CCDC59: variants seen among roughly 807,000 people sequenced by gnomAD.
CCDC59 encodes the protein coiled-coil domain containing 59.
In CCDC59, 27 loss-of-function variants were observed where a neutral mutation model predicts 30.5. That is an observed-to-expected ratio of 0.89 (90% CI 0.65 to 1.22). The LOEUF (loss-of-function observed/expected upper bound fraction) is 1.22. Ranked by LOEUF, CCDC59 falls within the 50% of genes most tolerant of loss-of-function variation. The pLI is 0.00. For synonymous variants in CCDC59, 125 were observed against 100.9 expected (o/e 1.24, Z -1.43); for missense variants, 362 against 284.4 (o/e 1.27, Z -1.96).
rs1240452870 is a variant in CCDC59 at position 82,353,155 on chromosome 12, C to A, written c.722G>T (p.Cys241Phe). Residue 241 changes from cysteine (C) to phenylalanine (F), a missense_variant, in exon 4 of 4, where the codon TGT becomes TTT. Transcript: ENST00000256151. ...EYLLQKIQEK[C>F] The stretch of plus-strand genomic sequence containing the variant: ...TAACCTGTAGGAACAAAATGTTTAA[C>A]ATTTTTCTTGTATTTTTTGAAGAAG... 1.9e-6 allele frequency: 3 copies of A among 1,599,542 alleles called. No homozygotes were observed. In the East Asian group the frequency reaches 6.7e-5, roughly 36 times the overall value.
chr12:82,357,083 G>A lies in CCDC59; in HGVS notation c.341C>T (p.Pro114Leu), dbSNP rs1322492170. The A allele has an allele frequency of 2.5e-6, 4 of 1,614,038 alleles. No individual in the cohort carries two copies. Among genetic ancestry groups the A allele is most frequent in the African/African-American group, 1.3e-5 (1 of 74,914 alleles). Reference protein sequence around the residue: ...HRKQARKVDHPLSEQVHQPLL... With the variant: ...HRKQARKVDHLLSEQVHQPLL... ...CGGCTGGTGAACTTGTTCTGACAAAGGATGGTCGACTTTTCTTGCTTGCTT... is the reference window on the plus strand; with the variant it reads ...CGGCTGGTGAACTTGTTCTGACAAAAGATGGTCGACTTTTCTTGCTTGCTT... Residue 114 changes from proline to leucine, a missense_variant, in exon 2 of 4, where the codon CCT (proline) becomes CTT (leucine). By Grantham distance (98) the Pro-to-Leu change is moderately conservative. Transcript: ENST00000256151.
Position 82,353,251 on chromosome 12 carries a change from A to C in CCDC59, c.626T>G (p.Met209Arg). The change falls in exon 4 of 4, where the codon ATG becomes AGG. Residue 209 changes from methionine (M) to arginine (R), a missense_variant. Physicochemically the swap from Met to Arg is moderately conservative, Grantham distance 91. Transcript: ENST00000256151. ...TTTGTTCAGTATTTTAAACACTTCC[A>C]TTTTCTTCTTTTTGTACTGCCTTTG... The part of the protein sequence containing the change: ...EAQRQYKKKK[M>R]EVFKILNKKT... 1 of 1,612,418 alleles carries C rather than the reference A, an allele frequency of 6.2e-7. No homozygotes were observed. The highest frequency in any genetic ancestry group is 8.5e-7 in the Non-Finnish European group (1 of 1,179,292).
intron 3 of CCDC59, among the ~76,000 whole-genome samples, chr12:82,354,055 A>G (rs1184721966): frequency 6.6e-6 from 1 of 151,872 alleles, no homozygotes; most frequent in African/African-American, 2.4e-5. Context: ...ACACCTCTTT[A>G]TAGTAAAAAA....
Position 82,358,233 on chromosome 12 carries a change from G to C in CCDC59, c.144C>G (p.Ser48Arg), listed in dbSNP as rs374508941. ...RPNHPQAFVG[S>R]VREGQGFAFR... Reference sequence around the variant, plus strand: ...TGCCTTCTTACATACCCTCGCGAACGCTCCCCACGAAGGCTTGCGGGTGGT... The same window carrying C: ...TGCCTTCTTACATACCCTCGCGAACCCTCCCCACGAAGGCTTGCGGGTGGT... The change falls in exon 1 of 4, where the codon AGC becomes AGG. Residue 48 changes from serine to arginine, a missense_variant. Physicochemically the swap from Ser to Arg is moderately radical, Grantham distance 110. Transcript: ENST00000256151. The C allele has an allele frequency of 6.2e-7, 1 of 1,614,144 alleles. No homozygotes were observed. Among genetic ancestry groups the C allele is most frequent in the East Asian group, 2.2e-5 (1 of 44,876 alleles).
At chr12:82,354,465 T>C in intron 3 of CCDC59, 30 bp downstream of exon 3, 1 of 1,518,042 alleles carries the variant, frequency 6.6e-7, no homozygotes, top group Non-Finnish European at 8.9e-7. Flanking sequence ...TAAGAAAAAC[T>C]ATACTAAATA....
rs778399653 is a variant in CCDC59, at chr12:82,357,164, T to A, written c.260A>T (p.Asp87Val). Reference sequence around the variant, plus strand: ...ATGTTTCAGATTATCTGGGTATCGATCTGTGAATTGAGATTCCAGTGACGT... The same window carrying A: ...ATGTTTCAGATTATCTGGGTATCGAACTGTGAATTGAGATTCCAGTGACGT... ...AQTSLESQFT[D>V]RYPDNLKHLY... The change falls in exon 2 of 4, where the codon GAT becomes GTT. Residue 87 changes from aspartate to valine, a missense_variant. By Grantham distance (152) the Asp-to-Val change is radical. Coordinates refer to ENST00000256151, the MANE Select transcript of CCDC59 (RefSeq NM_014167.5). The A allele has an allele frequency of 1.3e-5, 21 of 1,614,004 alleles. No individual in the cohort carries two copies.
chr12:82,355,275 T>G (rs918262588), intron 2 of CCDC59: 1 of 152,214 alleles, frequency 6.6e-6, no homozygotes, highest in Non-Finnish European at 1.5e-5. Context: ...ACACCCCTTA[T>G]CCATGGTTTC....
Position 82,358,373 on chromosome 12 carries a change from C to T in CCDC59, c.4G>A (p.Ala2Thr), listed in dbSNP as rs552343625. MAPVRRSAKWRP... is the reference protein window; with the variant it reads MTPVRRSAKWRP... ...CACTTCGCGGACCGCCTCACCGGCGCCATTGCAGCCGACTAACTGCGTCAT... is the reference window on the plus strand; with the variant it reads ...CACTTCGCGGACCGCCTCACCGGCGTCATTGCAGCCGACTAACTGCGTCAT... Residue 2 changes from alanine to threonine, a missense_variant, in exon 1 of 4, where the codon GCG becomes ACG. By Grantham distance (58) the Ala-to-Thr change is moderately conservative (BLOSUM62 0). Coordinates refer to ENST00000256151, the MANE Select transcript of CCDC59 (RefSeq NM_014167.5). The T allele has an allele frequency of 1.4e-5, 23 of 1,613,308 alleles. No homozygotes were observed. The East Asian group carries it at 4.9e-4, about 34-fold the overall frequency.
rs568130513 is a variant in CCDC59 at position 82,353,675 on chromosome 12, T to C, written c.565-363A>G. On this transcript the variant is annotated intron_variant, in intron 3 of 3. Transcript: ENST00000256151. ...GCTGTGCTAGTTAATACTGGTCCAG[T>C]ATTCCCATGAAGAAATTTTCCTGCT... is the stretch of plus-strand genomic sequence containing the variant. 1.1e-4 allele frequency among the ~76,000 whole-genome samples: 16 copies of C among 152,298 alleles called. No individual in the cohort carries two copies. The East Asian group carries it at 3.1e-3, about 29-fold the overall frequency.
intron 1 of CCDC59, among the ~76,000 whole-genome samples, chr12:82,357,708 A>G (rs1047885614): frequency 9.9e-5 from 15 of 152,246 alleles, no homozygotes; most frequent in African/African-American, 3.4e-4. Flanking sequence ...AGAAAAAGAC[A>G]GTGTATGGTT....
At position 82,358,253 on chromosome 12, in the gene CCDC59, G is replaced by C. The variant is rs748699591; in HGVS notation, c.124C>G (p.Pro42Ala). ...CGAACGCTCCCCACGAAGGCTTGCG[G>C]GTGGTTAGGCCGCCATGTCTTCTGT... ...VRQKTWRPNH[P>A]QAFVGSVREG... Residue 42 changes from proline (P) to alanine (A), a missense_variant, in exon 1 of 4, where the codon CCG becomes GCG. Pro to Ala is a conservative substitution (Grantham distance 27). Transcript: ENST00000256151. 5.6e-6 allele frequency: 9 copies of C among 1,614,180 alleles called. No homozygotes were observed. Among genetic ancestry groups the C allele is most frequent in the Non-Finnish European group, 6.8e-6 (8 of 1,180,024 alleles).
At chr12:82,354,748 G>A in intron 2 of CCDC59, 154 bp from the exon 3 acceptor site, 3 of 570,540 alleles carry the variant, frequency 5.3e-6, no homozygotes, top group Non-Finnish European at 2.7e-6. Context: ...AATATAGAAA[G>A]CTATGAAAAA....
At chr12:82,358,728 C>G (rs774246419), upstream of CCDC59, 10 of 1,614,142 alleles carry the variant, frequency 6.2e-6, no homozygotes, top group Non-Finnish European at 8.5e-6. Context: ...CGACTTGCCA[C>G]CGGAGACAGT....
chr12:82,358,565 C>T (rs745818909), upstream of CCDC59: 19 of 1,609,726 alleles, frequency 1.2e-5, no homozygotes, highest in Non-Finnish European at 1.4e-5. Context: ...GGGTGAGCGT[C>T]ATGGCGGCTT....
Position 82,356,797 on chromosome 12 carries a change from T to C in CCDC59, c.464+163A>G, listed in dbSNP as rs141585787. The C allele has an allele frequency of 3.7e-5, 21 of 565,504 alleles. No homozygotes were observed. The East Asian group carries it at 3.8e-4, about 10-fold the overall frequency. 35.0% of individuals were successfully genotyped at this position (565,504 alleles called of 1,614,324 possible). ...AGGCTAAACCAGCCTAATTCAGTTA[T>C]TGAAGCTAAAAATAGAGCCTCCATG... On this transcript the variant is annotated intron_variant, in intron 2 of 3. Transcript: ENST00000256151.
chr12:82,354,182 T>C (rs1388880073), intron 3 of CCDC59, among the ~76,000 whole-genome samples: 2 of 152,132 alleles, frequency 1.3e-5, no homozygotes, highest in Non-Finnish European at 2.9e-5. Context: ...TAAAAATCTT[T>C]TGAGGTGCTT....
chr12:82,357,090 CGACTT>C lies in CCDC59; in HGVS notation c.329_333del (p.Lys110ArgfsTer14). On this transcript the variant is annotated frameshift_variant, in exon 2 of 4. Coordinates refer to ENST00000256151, the MANE Select transcript of CCDC59 (RefSeq NM_014167.5). LOFTEE classifies it high-confidence loss of function. ...TGAACTTGTTCTGACAAAGGATGGT[CGACTT>C]TTCTTGCTTGCTTCCTATGTCTTTC... 6.2e-7 allele frequency: 1 copy of C among 1,614,124 alleles called. No homozygotes were observed.
At chr12:82,356,831 TC>T in intron 2 of CCDC59, 128 bp downstream of exon 2, 1 of 698,760 alleles carries the variant, frequency 1.4e-6, no homozygotes, top group Non-Finnish European at 2.2e-6. Flanking sequence ...TGAAAATGTT[TC>T]CCTAATTAAA....
upstream of CCDC59, chr12:82,358,428 A>G (rs1281371792): frequency 1.2e-6 from 2 of 1,608,116 alleles, no homozygotes; most frequent in South Asian, 1.1e-5. Flanking sequence ...CCCACAAAAT[A>G]CGTCACCAAG....
Sources: allele counts gnomAD v4.1 joint callset (sites outside exome capture counted in the v4.1 genomes callset), GRCh38; gene constraint gnomAD v4.1.1; transcripts MANE v1.5; gene names NCBI Gene and HGNC (gene_info 2026-07-23, HGNC 2026-07-21).